SPATA22: variants seen among roughly 807,000 people sequenced by gnomAD.
SPATA22 encodes spermatogenesis-associated protein 22.
A neutral mutation model predicts 47.8 loss-of-function variants in SPATA22; 29 were observed. The observed-to-expected ratio is 0.61, with a 90% CI of 0.45 to 0.83. The LOEUF is 0.83. Among genes scored for constraint, SPATA22 ranks in the 40% least tolerant of loss-of-function variants. SPATA22 has a pLI of 0.00. For synonymous variants in SPATA22, 133 were observed against 140.9 expected (o/e 0.94, Z 0.40); for missense variants, 410 against 421.7 (o/e 0.97, Z 0.24).
At chr17:3,457,042 T>C (rs1252580349) in intron 5 of SPATA22, among the ~76,000 whole-genome samples, 1 of 152,132 alleles carries the variant, frequency 6.6e-6, no homozygotes, top group African/African-American at 2.4e-5. Flanking sequence ...ATTGATGGGA[T>C]GTATCTCAAA....
intron 5 of SPATA22, among the ~76,000 whole-genome samples, chr17:3,456,672 G>A (rs1370997219): frequency 1.3e-5 from 2 of 152,110 alleles, no homozygotes; most frequent in Non-Finnish European, 2.9e-5. Context: ...AATAGAAAAA[G>A]AGGGATTCCT....
At chr17:3,481,356 T>C (rs1160068337) in intron 1 of SPATA22, among the ~76,000 whole-genome samples, 1 of 152,200 alleles carries the variant, frequency 6.6e-6, no homozygotes, top group Non-Finnish European at 1.5e-5. Context: ...GTCCTATTCA[T>C]GACCAGCCAC....
chr17:3,475,854 TATTA>T (rs888344298), upstream of SPATA22: 9 of 350,964 alleles, frequency 2.6e-5, no homozygotes, highest in Admixed American at 8.6e-5. Context: ...AATGCTAATT[TATTA>T]CTGTATTTAG....
chr17:3,442,300 G>A (rs1419500514), intron 8 of SPATA22, among the ~76,000 whole-genome samples: 2 of 151,892 alleles, frequency 1.3e-5, no homozygotes, highest in Non-Finnish European at 2.9e-5. Flanking sequence ...ACCTTTCGAA[G>A]TAGGAATTTG....
intron 5 of SPATA22, among the ~76,000 whole-genome samples, chr17:3,452,849 C>T (rs1272968820): frequency 6.6e-6 from 1 of 151,974 alleles, no homozygotes; most frequent in Non-Finnish European, 1.5e-5. Flanking sequence ...AGGCAGAAAG[C>T]CTAAACAGAC....
At chr17:3,498,924 C>T in intron 1 of SPATA22, 1 of 1,607,404 alleles carries the variant, frequency 6.2e-7, no homozygotes, top group Non-Finnish European at 8.5e-7. Flanking sequence ...TCCTGGGGAT[C>T]CCATGTTTTT....
chr17:3,513,054 CG>C (rs1456575435), intron 1 of SPATA22: 4 of 152,366 alleles, frequency 2.6e-5, no homozygotes, highest in African/African-American at 9.7e-5. Context: ...AGGACTTGCC[CG>C]GAGTGTCTCA....
intron 1 of SPATA22, among the ~76,000 whole-genome samples, chr17:3,495,927 G>A (rs1043782378): frequency 2.0e-5 from 3 of 152,232 alleles, no homozygotes; most frequent in East Asian, 1.9e-4. Flanking sequence ...AAGCACTATT[G>A]GTGACAAAAA....
In SPATA22 at chr17:3,470,342, C is replaced by T. The variant is rs77581873; in HGVS notation, c.-73-944G>A. 1.3e-3 allele frequency among the ~76,000 whole-genome samples: 201 copies of T among 152,298 alleles called. 3 individuals are homozygous for T. In the East Asian group the frequency reaches 0.037, roughly 28 times the overall value. ...CAAGATACAAACCCAAACCAGGTAA[C>T]TTCTGTTCCAAATTCACAACCCAAT... On this transcript the variant is annotated intron_variant, in intron 1 of 8. Coordinates refer to ENST00000572969, the MANE Select transcript of SPATA22 (RefSeq NM_001170698.2).
At chr17:3,443,472 C>A (rs1239469008) in intron 7 of SPATA22, among the ~76,000 whole-genome samples, 1 of 151,916 alleles carries the variant, frequency 6.6e-6, no homozygotes, top group Non-Finnish European at 1.5e-5. Context: ...CTGACTCTCT[C>A]CAACTTAGGA....
At chr17:3,446,259 T>A (rs2072723456) in intron 7 of SPATA22, among the ~76,000 whole-genome samples, 1 of 152,106 alleles carries the variant, frequency 6.6e-6, no homozygotes, top group Non-Finnish European at 1.5e-5. Flanking sequence ...GTAGGCATTT[T>A]AGGGTGCATT....
intron 1 of SPATA22, among the ~76,000 whole-genome samples, chr17:3,509,488 C>T (rs959800008): frequency 2.6e-5 from 4 of 152,318 alleles, no homozygotes; most frequent in Non-Finnish European, 5.9e-5. Flanking sequence ...CTACAAAAGA[C>T]ATGATCTCAT....
At chr17:3,476,258 T>C (rs1597422394), upstream of SPATA22, 3 of 1,614,186 alleles carry the variant, frequency 1.9e-6, no homozygotes, top group Non-Finnish European at 2.5e-6. Flanking sequence ...TGGTTAAGCA[T>C]TGGCTAGAGA....
chr17:3,507,570 G>A (rs2074052486), intron 1 of SPATA22, among the ~76,000 whole-genome samples: 1 of 152,152 alleles, frequency 6.6e-6, no homozygotes, highest in African/African-American at 2.4e-5. Context: ...GAGAAAAATG[G>A]TAGTTCTTGA....
intron 1 of SPATA22, among the ~76,000 whole-genome samples, chr17:3,496,722 T>C (rs1035212615): frequency 7.9e-5 from 12 of 152,306 alleles, no homozygotes; most frequent in Admixed American, 7.8e-4. Flanking sequence ...ACTACTAAAG[T>C]AGCGCTTCTC....
intron 1 of SPATA22, among the ~76,000 whole-genome samples, chr17:3,503,675 A>G (rs1410926389): frequency 6.6e-6 from 1 of 152,134 alleles, no homozygotes; most frequent in East Asian, 1.9e-4. Flanking sequence ...CAGTCTTTAA[A>G]GTTTCTAATT....
At chr17:3,503,483 G>T (rs997357578) in intron 1 of SPATA22, 1 of 152,070 alleles carries the variant, frequency 6.6e-6, no homozygotes, top group Non-Finnish European at 1.5e-5. Context: ...TGAATGTTCC[G>T]TTGTGTCCTA....
At chr17:3,448,466 A>C (rs2072777264) in intron 6 of SPATA22, among the ~76,000 whole-genome samples, 1 of 152,158 alleles carries the variant, frequency 6.6e-6, no homozygotes, top group East Asian at 1.9e-4. Flanking sequence ...ATGTTTGCTG[A>C]CCTCTGTTGA....
At chr17:3,483,292 T>C (rs1424862465) in intron 1 of SPATA22, among the ~76,000 whole-genome samples, 1 of 152,182 alleles carries the variant, frequency 6.6e-6, no homozygotes, top group Admixed American at 6.5e-5. Context: ...ACTGTATAAT[T>C]CAATTGTATA....
Sources: allele counts gnomAD v4.1 joint callset (sites outside exome capture counted in the v4.1 genomes callset), GRCh38; gene constraint gnomAD v4.1.1; transcripts MANE v1.5; gene names NCBI Gene and HGNC (gene_info 2026-07-23, HGNC 2026-07-21).